CD1D: variants seen among roughly 807,000 people sequenced by gnomAD.
CD1D encodes CD1d molecule.
CD1D carries 40 observed loss-of-function variants against 42.1 expected under a neutral mutation model. That is an observed-to-expected ratio of 0.95 (90% CI 0.74 to 1.24). The LOEUF is 1.24. Ranked by LOEUF, CD1D falls within the 50% of genes most tolerant of loss-of-function variation. The pLI is 0.00. For synonymous variants in CD1D, 178 were observed against 171.8 expected (o/e 1.04, Z -0.28); for missense variants, 437 against 416.5 (o/e 1.05, Z -0.43).
Position 158,182,887 on chromosome 1 carries a change from A to T in CD1D, c.617A>T (p.Lys206Met). Reference protein sequence around the residue: ...KSELKKQVKPKAWLSRGPSPG... With the variant: ...KSELKKQVKPMAWLSRGPSPG... Reference sequence around the variant, plus strand: ...CCCTTGTTGGATACAGTGAAGCCCAAGGCCTGGCTGTCCCGTGGCCCCAGT... The same window carrying T: ...CCCTTGTTGGATACAGTGAAGCCCATGGCCTGGCTGTCCCGTGGCCCCAGT... The change falls in exon 4 of 6, where the codon AAG (lysine) becomes ATG (methionine). Residue 206 changes from lysine (K) to methionine (M), a missense_variant. Coordinates refer to ENST00000674085, the MANE Select transcript of CD1D (RefSeq NM_001371762.2). The T allele has an allele frequency of 6.2e-7, 1 of 1,607,882 alleles. No individual in the cohort carries two copies. Among genetic ancestry groups the T allele is most frequent in the South Asian group, 1.1e-5 (1 of 90,090 alleles).
At position 158,181,034 on chromosome 1, in the gene CD1D, G is replaced by A. The variant is rs544463060; in HGVS notation, c.-68G>A. The A allele has an allele frequency of 1.6e-5, 22 of 1,369,020 alleles. No individual in the cohort carries two copies. Among genetic ancestry groups the A allele is most frequent in the Admixed American group, 4.8e-5 (2 of 41,554 alleles). 84.8% of individuals were successfully genotyped at this position (1,369,020 alleles called of 1,614,324 possible). ...GAAAGGGACGTGAGCTGAGCGGCGGGGGAGAAGAGTGCGCAGGTCAGAGGG... is the reference window on the plus strand; with the variant it reads ...GAAAGGGACGTGAGCTGAGCGGCGGAGGAGAAGAGTGCGCAGGTCAGAGGG... On this transcript the variant is annotated 5_prime_UTR_variant, in exon 1 of 6. Coordinates refer to ENST00000674085, the MANE Select transcript of CD1D (RefSeq NM_001371762.2).
rs140583445 is a variant in CD1D, at chr1:158,183,141, A to T, written c.871A>T (p.Ile291Phe). 3 of 1,608,548 alleles carry T rather than the reference A, an allele frequency of 1.9e-6. No homozygotes were observed. Among genetic ancestry groups the T allele is most frequent in the African/African-American group, 2.7e-5 (2 of 74,848 alleles). ...VKHSSLEGQD[I>F]VLYWGGSYTS... ...GCACAGCAGTCTAGAGGGCCAGGAC[A>T]TCGTCCTCTACTGGGGTGAGAAAAA... Residue 291 changes from isoleucine (I) to phenylalanine (F), a missense_variant, in exon 4 of 6, where the codon ATC becomes TTC. Transcript: ENST00000674085.
At chr1:158,181,812 G>A in intron 2 of CD1D, 91 bp downstream of exon 2, 1 of 1,507,730 alleles carries the variant, frequency 6.6e-7, no homozygotes, top group South Asian at 1.2e-5. Flanking sequence ...CACCTGATGA[G>A]ATTCTCTGCT....
At chr1:158,178,841 T>C (rs748508703), upstream of CD1D, among the ~76,000 whole-genome samples, 4 of 152,198 alleles carry the variant, frequency 2.6e-5, no homozygotes, top group Non-Finnish European at 4.4e-5. Context: ...TGCAAAACGT[T>C]TCATAATTCA....
chr1:158,181,092 G>A lies in CD1D; in HGVS notation c.-10G>A. 1 of 1,544,722 alleles carries A rather than the reference G, an allele frequency of 6.5e-7. No individual in the cohort carries two copies. Among genetic ancestry groups the A allele is most frequent in the South Asian group, 1.2e-5 (1 of 83,558 alleles). On this transcript the variant is annotated 5_prime_UTR_variant, in exon 1 of 6. Transcript: ENST00000674085. ...CAGCGGCGCTCCGCGAGGTCCCCAC[G>A]CCGGGCGATATGGGGTGCCTGCTGT... is the stretch of plus-strand genomic sequence containing the variant.
chr1:158,186,224 C>T lies in CD1D; in HGVS notation c.*2074C>T, dbSNP rs1338221357. Among the ~76,000 whole-genome samples the T allele has an allele frequency of 6.6e-6, 1 of 152,174 alleles. No individual in the cohort carries two copies. The highest frequency in any genetic ancestry group is 2.4e-5 in the African/African-American group (1 of 41,442). On this transcript the variant is annotated 3_prime_UTR_variant, in exon 6 of 6. Transcript: ENST00000674085. Reference sequence around the variant, plus strand: ...TTTGGTACCACATTGCCCACCCTCACGTGGCGCTCTTCAGCTTAGGTTCCT... The same window carrying T: ...TTTGGTACCACATTGCCCACCCTCATGTGGCGCTCTTCAGCTTAGGTTCCT...
Position 158,185,257 on chromosome 1 carries a change from G to GC in CD1D, c.*1108dup, listed in dbSNP as rs1458323246. Reference sequence around the variant, plus strand: ...GCCTAGCTGGGAGGTAAATCTCTTGGCAGTCAGGGTCCCTGAACACCCAGA... The same window carrying GC: ...GCCTAGCTGGGAGGTAAATCTCTTGGCCAGTCAGGGTCCCTGAACACCCAGA... On this transcript the variant is annotated 3_prime_UTR_variant, in exon 6 of 6. Coordinates refer to ENST00000674085, the MANE Select transcript of CD1D (RefSeq NM_001371762.2). Among the ~76,000 whole-genome samples, 1 of 152,168 alleles carries GC rather than the reference G, an allele frequency of 6.6e-6. No individual in the cohort carries two copies. The highest frequency in any genetic ancestry group is 2.4e-5 in the African/African-American group (1 of 41,444).
At position 158,182,872 on chromosome 1, in the gene CD1D, A is replaced by T; in HGVS notation, c.608-6A>T. The T allele has an allele frequency of 6.3e-7, 1 of 1,599,362 alleles. No homozygotes were observed. The highest frequency in any genetic ancestry group is 8.5e-7 in the Non-Finnish European group (1 of 1,171,648). On this transcript the variant is annotated splice_polypyrimidine_tract_variant and splice_region_variant and intron_variant, in intron 3 of 5. Transcript: ENST00000674085. ...AAGATCCCCCCCATTCCCTTGTTGG[A>T]TACAGTGAAGCCCAAGGCCTGGCTG...
At chr1:158,181,183 T>G (rs1167032944) in intron 1 of CD1D, 21 bp downstream of exon 1, 18 of 1,549,180 alleles carry the variant, frequency 1.2e-5, no homozygotes, top group Non-Finnish European at 1.5e-5. Context: ...CGAGGGCGCT[T>G]GAGTGCACTC....
At chr1:158,182,641 A>T (rs1044736265) in intron 3 of CD1D, among the ~76,000 whole-genome samples, 3 of 152,184 alleles carry the variant, frequency 2.0e-5, no homozygotes, top group Non-Finnish European at 4.4e-5. Flanking sequence ...GACAAGGGGC[A>T]TTCATAGGAG....
chr1:158,179,524 G>A (rs1283762939), upstream of CD1D, among the ~76,000 whole-genome samples: 1 of 152,198 alleles, frequency 6.6e-6, no homozygotes, highest in South Asian at 2.1e-4. Context: ...AGGACACAGA[G>A]GGAGACAGAC....
rs141694082 is a variant in CD1D at position 158,184,502 on chromosome 1, A to G, written c.*352A>G. 229 of 299,008 alleles carry G rather than the reference A, an allele frequency of 7.7e-4. No homozygotes were observed. Among genetic ancestry groups the G allele is most frequent in the Non-Finnish European group, 6.9e-4 (111 of 161,210 alleles). The allele number at this position is 299,008 out of a possible 1,614,324, so 18.5% of individuals were successfully genotyped here. ...TGGGATCTGTAAGGAACTGGAACAC[A>G]CATGTCCTATCCAAAGGAATCAGCT... On this transcript the variant is annotated 3_prime_UTR_variant, in exon 6 of 6. Coordinates refer to ENST00000674085, the MANE Select transcript of CD1D (RefSeq NM_001371762.2).
rs1045000256 is a variant in CD1D, at chr1:158,184,913, T to A, written c.*763T>A. ...TAAATCATAGTGTATGTGTATTATG[T>A]TGAAAAAAACTACTCTGAGTAAGGA... On this transcript the variant is annotated 3_prime_UTR_variant, in exon 6 of 6. Coordinates refer to ENST00000674085, the MANE Select transcript of CD1D (RefSeq NM_001371762.2). The A allele has an allele frequency of 2.6e-5, 4 of 152,242 alleles. No individual in the cohort carries two copies. The highest frequency in any genetic ancestry group is 9.6e-5 in the African/African-American group (4 of 41,470). 9.4% of individuals were successfully genotyped at this position (152,242 alleles called of 1,614,324 possible). A position where few individuals can be genotyped will look rare whatever the true frequency, so the allele number is the denominator to read the frequency against.
chr1:158,181,259 G>A, intron 1 of CD1D, 97 bp downstream of exon 1: 1 of 1,460,972 alleles, frequency 6.8e-7, no homozygotes, highest in Non-Finnish European at 9.4e-7. Flanking sequence ...GGACTGGTGA[G>A]ACCCGGGACG....
intron 4 of CD1D, among the ~76,000 whole-genome samples, chr1:158,183,695 C>A (rs1395163188): frequency 6.6e-6 from 1 of 152,226 alleles, no homozygotes; most frequent in East Asian, 1.9e-4. Context: ...TGCCTTGCTA[C>A]AAAGCTGTTG....
chr1:158,183,061 G>C lies in CD1D; in HGVS notation c.791G>C (p.Arg264Pro). The C allele has an allele frequency of 6.2e-7, 1 of 1,614,120 alleles. No homozygotes were observed. The highest frequency in any genetic ancestry group is 8.5e-7 in the Non-Finnish European group (1 of 1,180,008). Residue 264 changes from arginine to proline, a missense_variant, in exon 4 of 6, where the codon CGA (arginine) becomes CCA (proline). Arg to Pro is a moderately radical substitution (Grantham distance 103). Transcript: ENST00000674085. ...LPNADETWYLRATLDVVAGEA... is the reference protein window; with the variant it reads ...LPNADETWYLPATLDVVAGEA... ...AATGCTGACGAGACATGGTATCTCC[G>C]AGCAACCCTGGATGTGGTGGCTGGG...
At chr1:158,182,450 C>T in intron 3 of CD1D, 140 bp downstream of exon 3, 1 of 898,914 alleles carries the variant, frequency 1.1e-6, no homozygotes, top group Non-Finnish European at 1.8e-6. Flanking sequence ...GGTATTTATT[C>T]ATTTCACAGA....
Position 158,181,298 on chromosome 1 carries a change from C to G in CD1D, c.61+136C>G, listed in dbSNP as rs1252934416. Reference sequence around the variant, plus strand: ...TGGCGCGATCTAGGTAGAAAACTCGCTGCTCCCTGGCTCCGGGGAGAGGCA... The same window carrying G: ...TGGCGCGATCTAGGTAGAAAACTCGGTGCTCCCTGGCTCCGGGGAGAGGCA... On this transcript the variant is annotated intron_variant, in intron 1 of 5. Transcript: ENST00000674085. 5.6e-6 allele frequency: 8 copies of G among 1,427,266 alleles called. No individual in the cohort carries two copies. The East Asian group carries it at 1.4e-4, about 25-fold the overall frequency. 88.4% of individuals were successfully genotyped at this position (1,427,266 alleles called of 1,614,324 possible). A position where few individuals can be genotyped will look rare whatever the true frequency, so the allele number is the denominator to read the frequency against.
At position 158,181,018 on chromosome 1, in the gene CD1D, G is replaced by A. The variant is rs945924616; in HGVS notation, c.-84G>A. 13 of 1,263,490 alleles carry A rather than the reference G, an allele frequency of 1.0e-5. No homozygotes were observed. The highest frequency in any genetic ancestry group is 5.6e-4 in the Middle Eastern group (2 of 3,562). 78.3% of individuals were successfully genotyped at this position (1,263,490 alleles called of 1,614,324 possible). A position where few individuals can be genotyped will look rare whatever the true frequency, so the allele number is the denominator to read the frequency against. Reference sequence around the variant, plus strand: ...TGGCTGGCACCCAGCGGAAAGGGACGTGAGCTGAGCGGCGGGGGAGAAGAG... The same window carrying A: ...TGGCTGGCACCCAGCGGAAAGGGACATGAGCTGAGCGGCGGGGGAGAAGAG... On this transcript the variant is annotated 5_prime_UTR_variant, in exon 1 of 6. It adds an upstream start codon to the 5' untranslated region. Transcript: ENST00000674085.
Sources: gnomAD v4.1 joint callset for allele counts (sites outside exome capture counted in the v4.1 genomes callset) on GRCh38, gnomAD v4.1.1 for gene constraint, MANE v1.5 for transcripts, NCBI Gene and HGNC (gene_info 2026-07-23, HGNC 2026-07-21) for gene names.